The following PLGRKT variants were observed in gnomAD, a reference collection of about 807,000 sequenced individuals.
The protein encoded by PLGRKT is plasminogen receptor (KT).
PLGRKT carries 22 observed loss-of-function variants against 18.5 expected under a neutral mutation model. That is an observed-to-expected ratio of 1.19 (90% CI 0.85 to 1.70). The LOEUF is 1.70. Among genes scored for constraint, PLGRKT ranks in the 40% most tolerant of loss-of-function variants. PLGRKT has a pLI of 0.00. For missense variants in PLGRKT, 235 were observed against 174.4 expected, an observed-to-expected ratio of 1.35 and a Z score of -1.96; for synonymous variants, 72 against 52.8, an observed-to-expected ratio of 1.36 and a Z score of -1.58.
intron 3 of PLGRKT, among the ~76,000 whole-genome samples, chr9:5,421,262 G>A (rs959772366): frequency 3.9e-5 from 6 of 152,116 alleles, no homozygotes; most frequent in Non-Finnish European, 2.9e-5. Flanking sequence ...CCTGAAACTC[G>A]TTCCCTGGCT....
intron 3 of PLGRKT, among the ~76,000 whole-genome samples, chr9:5,416,867 T>C (rs1416723697): frequency 6.6e-6 from 1 of 152,224 alleles, no homozygotes; most frequent in Non-Finnish European, 1.5e-5. Context: ...TGACCTTTAT[T>C]AACTGTTCTA....
At chr9:5,421,635 C>T (rs963109125) in intron 3 of PLGRKT, among the ~76,000 whole-genome samples, 1 of 152,326 alleles carries the variant, frequency 6.6e-6, no homozygotes, top group Non-Finnish European at 1.5e-5. Context: ...ACTGACTTTG[C>T]TGAGTGCTTA....
chr9:5,400,664 AAAAGTACTCAACCTTG>A (rs771125051), intron 3 of PLGRKT, among the ~76,000 whole-genome samples: 58 of 152,018 alleles, frequency 3.8e-4, no homozygotes, highest in Non-Finnish European at 6.3e-4. Context: ...TAAATATTAT[AAAAGTACTCAACCTTG>A]TCTTTTCATC....
chr9:5,389,648 G>C (rs1026740622), intron 3 of PLGRKT, among the ~76,000 whole-genome samples: 1 of 151,814 alleles, frequency 6.6e-6, no homozygotes, highest in African/African-American at 2.4e-5. Context: ...CATCTTCTCT[G>C]CTTCGCAAAT....
chr9:5,403,544 G>T (rs1331447456), intron 3 of PLGRKT, among the ~76,000 whole-genome samples: 1 of 152,168 alleles, frequency 6.6e-6, no homozygotes, highest in Non-Finnish European at 1.5e-5. Flanking sequence ...ATTCTTAATG[G>T]TGTACATTTT....
chr9:5,420,549 A>G (rs1818555897), intron 3 of PLGRKT, among the ~76,000 whole-genome samples: 2 of 151,956 alleles, frequency 1.3e-5, no homozygotes, highest in South Asian at 4.2e-4. Context: ...GTGTGGATCC[A>G]GGAGTTAAGT....
rs1174631238 is a variant in PLGRKT, at chr9:5,361,828, CA to C, written c.141del (p.Ile47MetfsTer22). 6.2e-7 allele frequency: 1 copy of C among 1,613,198 alleles called. No homozygotes were observed. The highest frequency in any genetic ancestry group is 1.7e-5 in the Admixed American group (1 of 59,948). ...TATTTGAGGAATTCCCGAGACCACG[CA>C]ATCTGCATGGCCATTTGTCTTTCCC... ...EMRERQMAMQIAWSREFLKYF... is the reference protein window; with the variant it reads ...EMRERQMAMQXAWSREFLKYF... On this transcript the variant is annotated frameshift_variant, in exon 4 of 6. Transcript: ENST00000223864. LOFTEE classifies it high-confidence loss of function.
intron 3 of PLGRKT, among the ~76,000 whole-genome samples, chr9:5,371,404 T>A (rs1218115862): frequency 1.3e-5 from 2 of 152,166 alleles, no homozygotes; most frequent in African/African-American, 4.8e-5. Context: ...AGTAATTGAA[T>A]CATGGGGGCC....
At chr9:5,366,917 T>C (rs1014742197) in intron 3 of PLGRKT, among the ~76,000 whole-genome samples, 4 of 151,952 alleles carry the variant, frequency 2.6e-5, no homozygotes, top group African/African-American at 9.7e-5. Flanking sequence ...AGTTTCAAGA[T>C]ACAAAATCAA....
intron 4 of PLGRKT, 93 bp from the exon 5 acceptor site, chr9:5,361,280 G>T: frequency 1.5e-6 from 1 of 671,596 alleles, no homozygotes; most frequent in Non-Finnish European, 2.6e-6. Flanking sequence ...CTGCTTTTTG[G>T]AAGAATGCCT....
intron 3 of PLGRKT, among the ~76,000 whole-genome samples, chr9:5,369,686 C>T (rs565204878): frequency 3.9e-5 from 6 of 152,232 alleles, no homozygotes; most frequent in East Asian, 3.9e-4. Flanking sequence ...TGGAACCAAC[C>T]CAAATGCCCA....
intron 3 of PLGRKT, among the ~76,000 whole-genome samples, chr9:5,431,531 C>CAAAAAA (rs1191361436): frequency 3.9e-5 from 3 of 77,036 alleles, no homozygotes; most frequent in Admixed American, 1.5e-4. Context: ...GAGACTCTCT[C>CAAAAAA]AAAAAAAAAA....
intron 3 of PLGRKT, among the ~76,000 whole-genome samples, chr9:5,409,911 G>C (rs1452018192): frequency 6.6e-6 from 1 of 152,084 alleles, no homozygotes; most frequent in Non-Finnish European, 1.5e-5. Flanking sequence ...TTTTTTTCCA[G>C]AAACATTCTA....
intron 3 of PLGRKT, among the ~76,000 whole-genome samples, chr9:5,415,994 A>G (rs939599927): frequency 2.6e-5 from 4 of 152,026 alleles, no homozygotes; most frequent in African/African-American, 4.8e-5. Context: ...TTATACCAAT[A>G]TTAATCTCCT....
rs191911418 is a variant in PLGRKT, at chr9:5,402,446, G to T, written c.81+29451C>A. On this transcript the variant is annotated intron_variant, in intron 3 of 5. Coordinates refer to ENST00000223864, the MANE Select transcript of PLGRKT (RefSeq NM_018465.4). ...GCTATTGAAGTGGTACTGCCTAAAA[G>T]GATCTGTGGCTTAGGAACCCACTGC... is the stretch of plus-strand genomic sequence containing the variant. Among the ~76,000 whole-genome samples the T allele has an allele frequency of 2.6e-5, 4 of 151,890 alleles. No individual in the cohort carries two copies. The East Asian group carries it at 5.8e-4, about 22-fold the overall frequency.
intron 3 of PLGRKT, among the ~76,000 whole-genome samples, chr9:5,394,499 G>A (rs1481214761): frequency 2.6e-5 from 4 of 151,918 alleles, no homozygotes; most frequent in East Asian, 3.9e-4. Flanking sequence ...TGCAACTTCC[G>A]CCTCCCGGGT....
At chr9:5,385,843 C>A (rs756056023) in intron 3 of PLGRKT, among the ~76,000 whole-genome samples, 15 of 151,866 alleles carry the variant, frequency 9.9e-5, no homozygotes, top group Non-Finnish European at 1.3e-4. Context: ...GTTTATACAG[C>A]AAAACCCTTG....
chr9:5,422,211 G>A (rs559206130), intron 3 of PLGRKT, among the ~76,000 whole-genome samples: 71 of 152,284 alleles, frequency 4.7e-4, no homozygotes, highest in Non-Finnish European at 8.1e-4. Flanking sequence ...GCCGATCACA[G>A]GTTGATGGGG....
At chr9:5,432,157 G>A (rs932581592) in intron 2 of PLGRKT, among the ~76,000 whole-genome samples, 174 bp from the exon 3 acceptor site, 4 of 152,040 alleles carry the variant, frequency 2.6e-5, no homozygotes, top group African/African-American at 9.7e-5. Flanking sequence ...CTGACCTCAG[G>A]CATACTTAAC....
Sources: gnomAD v4.1 joint callset for allele counts (sites outside exome capture counted in the v4.1 genomes callset) on GRCh38, gnomAD v4.1.1 for gene constraint, MANE v1.5 for transcripts, NCBI Gene and HGNC (gene_info 2026-07-23, HGNC 2026-07-21) for gene names.